Variants in RNF130 observed in about 807,000 individuals in gnomAD.
RNF130 encodes ring finger protein 130, also known as E3 ubiquitin-protein ligase RNF130.
RNF130 carries 21 observed loss-of-function variants against 44.6 expected under a neutral mutation model. That is an observed-to-expected ratio of 0.47 (90% CI 0.33 to 0.68). The LOEUF (loss-of-function observed/expected upper bound fraction) is 0.68. Among genes scored for constraint, RNF130 ranks in the 30% least tolerant of loss-of-function variants. The pLI is 0.02. For synonymous variants in RNF130, 214 were observed against 210.4 expected (o/e 1.02, Z -0.15); for missense variants, 479 against 560.6 (o/e 0.85, Z 1.47).
intron 7 of RNF130, among the ~76,000 whole-genome samples, chr5:179,942,200 A>T (rs1317043571): frequency 1.3e-5 from 1 of 77,444 alleles, no homozygotes; most frequent in Non-Finnish European, 2.9e-5. Context: ...CCAAGAAACA[A>T]TGAAGAAGCT....
chr5:179,974,488 T>C (rs916652771), intron 5 of RNF130, among the ~76,000 whole-genome samples: 4 of 152,124 alleles, frequency 2.6e-5, no homozygotes, highest in African/African-American at 7.2e-5. Flanking sequence ...CAGTAAATAG[T>C]GCGACAGAAG....
intron 7 of RNF130, among the ~76,000 whole-genome samples, chr5:179,936,488 CA>C (rs1054716975): frequency 5.3e-5 from 8 of 152,144 alleles, no homozygotes; most frequent in African/African-American, 1.9e-4. Context: ...CTTAGCCTCC[CA>C]AAGTGCTGGG....
downstream of RNF130, among the ~76,000 whole-genome samples, chr5:179,954,407 T>C (rs1326773070): frequency 6.6e-6 from 1 of 152,142 alleles, no homozygotes; most frequent in Non-Finnish European, 1.5e-5. Flanking sequence ...CACAAAGAAG[T>C]TCTGACACAT....
intron 5 of RNF130, among the ~76,000 whole-genome samples, chr5:179,973,353 T>C (rs17079857): frequency 0.02 from 3,057 of 152,274 alleles, 111 homozygotes; most frequent in African/African-American, 0.07. Flanking sequence ...ACCCATTGTC[T>C]AACCCTCCTG....
At chr5:179,944,639 A>G (rs546307825) in intron 7 of RNF130, among the ~76,000 whole-genome samples, 55 of 151,736 alleles carry the variant, frequency 3.6e-4, no homozygotes, top group Admixed American at 3.3e-4. Context: ...TTGTAGAGAC[A>G]GTCCCCCAGT....
intron 2 of RNF130, among the ~76,000 whole-genome samples, chr5:180,029,559 C>T (rs1427418465): frequency 6.6e-6 from 1 of 152,186 alleles, no homozygotes; most frequent in Non-Finnish European, 1.5e-5. Flanking sequence ...AACAAAATGG[C>T]ATTTTTACTA....
At chr5:180,047,058 G>C (rs1011459345) in intron 1 of RNF130, among the ~76,000 whole-genome samples, 1 of 152,162 alleles carries the variant, frequency 6.6e-6, no homozygotes, top group African/African-American at 2.4e-5. Context: ...TCTATCAGTT[G>C]CTTCCTACAA....
chr5:180,019,352 C>A (rs1197844471), intron 2 of RNF130, among the ~76,000 whole-genome samples: 1 of 151,218 alleles, frequency 6.6e-6, no homozygotes, highest in Non-Finnish European at 1.5e-5. Context: ...CCACTGCACT[C>A]CAGCCTGGGC....
At chr5:179,962,088 G>A (rs1448899240) in intron 8 of RNF130, among the ~76,000 whole-genome samples, 1 of 152,222 alleles carries the variant, frequency 6.6e-6, no homozygotes, top group Non-Finnish European at 1.5e-5. Flanking sequence ...AAATCCAGGT[G>A]TGTGTGACCT....
At chr5:179,997,574 T>C (rs1561685587) in intron 3 of RNF130, among the ~76,000 whole-genome samples, 1 of 151,720 alleles carries the variant, frequency 6.6e-6, no homozygotes, top group Non-Finnish European at 1.5e-5. Context: ...GTGATCTGCC[T>C]GCTTCGGTCT....
In RNF130 at chr5:179,977,805, T is replaced by A. The variant is rs1047040049; in HGVS notation, c.848+398A>T. 3.3e-5 allele frequency among the ~76,000 whole-genome samples: 5 copies of A among 152,272 alleles called. No homozygotes were observed. Among genetic ancestry groups the A allele is most frequent in the South Asian group, 4.2e-4 (2 of 4,814 alleles). ...AGGCGGAGCTTGCAGTGAGCCGAGA[T>A]TGCGCCACTGCACACTCCAGCCTGG... On this transcript the variant is annotated intron_variant, in intron 5 of 8. Transcript: ENST00000521389. This position sits in a 1 kb window ranked among gnomAD's most constrained non-coding sequence, Gnocchi z 4.1.
chr5:179,928,733 A>G (rs951866896), intron 7 of RNF130, among the ~76,000 whole-genome samples: 7 of 149,430 alleles, frequency 4.7e-5, no homozygotes, highest in Non-Finnish European at 8.9e-5. Flanking sequence ...GGTTCATGCC[A>G]TTCTCCTGCC....
chr5:179,931,340 A>T (rs978206083), intron 7 of RNF130, among the ~76,000 whole-genome samples: 7 of 152,214 alleles, frequency 4.6e-5, no homozygotes. Flanking sequence ...TTTGTTTTTA[A>T]TCAGCTGTGA....
At chr5:179,952,107 AG>A (rs1423799136), downstream of RNF130, among the ~76,000 whole-genome samples, 1 of 152,138 alleles carries the variant, frequency 6.6e-6, no homozygotes, top group Non-Finnish European at 1.5e-5. Context: ...CTGAGGTAGG[AG>A]GATTGTTGGA....
chr5:179,939,949 TC>T, intron 7 of RNF130: 1 of 211,272 alleles, frequency 4.7e-6, no homozygotes, highest in Admixed American at 5.1e-5. Context: ...GTCATAAACG[TC>T]CCTTTTTTTT....
In RNF130 at chr5:180,056,254, A is replaced by G. The variant is rs201581074; in HGVS notation, c.247+15202T>C. Among the ~76,000 whole-genome samples, 68 of 28,638 alleles carry G rather than the reference A, an allele frequency of 2.4e-3. 1 individual carries two copies. The highest frequency in any genetic ancestry group is 0.042 in the Middle Eastern group (2 of 48). The allele number at this position is 28,638 out of a possible 152,430, so 18.8% of individuals were successfully genotyped here. A position where few individuals can be genotyped will look rare whatever the true frequency, so the allele number is the denominator to read the frequency against. On this transcript the variant is annotated intron_variant, in intron 1 of 8. Coordinates refer to ENST00000521389, the MANE Select transcript of RNF130 (RefSeq NM_018434.6). ...GAGCCTTAAGATAGTATCTGTGGGGAAAAAAAAAAAAACCCTAATAGTGTA... is the reference window on the plus strand; with the variant it reads ...GAGCCTTAAGATAGTATCTGTGGGGGAAAAAAAAAAAACCCTAATAGTGTA...
chr5:180,030,410 G>T (rs1764107741), intron 2 of RNF130, among the ~76,000 whole-genome samples: 2 of 152,134 alleles, frequency 1.3e-5, no homozygotes, highest in African/African-American at 4.8e-5. Flanking sequence ...ACTCATCTTT[G>T]TAAGTGTACA....
At chr5:180,065,938 A>G (rs1015025976) in intron 1 of RNF130, among the ~76,000 whole-genome samples, 8 of 152,340 alleles carry the variant, frequency 5.3e-5, no homozygotes, top group Admixed American at 3.9e-4. Flanking sequence ...ATCTATCAAG[A>G]AAAGATAAAA....
intron 3 of RNF130, among the ~76,000 whole-genome samples, chr5:179,985,153 C>CTT (rs34998254): frequency 0.36 from 33,222 of 91,932 alleles, 7,506 homozygotes; most frequent in East Asian, 0.45. Flanking sequence ...TACCCCCTAA[C>CTT]TTTTTTTTTT....
Sources: allele counts gnomAD v4.1 joint callset (sites outside exome capture counted in the v4.1 genomes callset), GRCh38; gene constraint gnomAD v4.1.1; non-coding constraint Gnocchi (gnomAD v3.1); transcripts MANE v1.5; gene names NCBI Gene and HGNC (gene_info 2026-07-23, HGNC 2026-07-21).